ONECUT3: variants seen among roughly 807,000 people sequenced by gnomAD.
ONECUT3 encodes one cut homeobox 3, also known as one cut domain family member 3.
A neutral mutation model predicts 16.8 loss-of-function variants in ONECUT3; 11 were observed. The ratio of observed to expected loss-of-function variants is 0.66; its 90% CI spans 0.41 to 1.09. The LOEUF is 1.09. Among genes scored for constraint, ONECUT3 ranks in the 50% least tolerant of loss-of-function variants. The pLI is 0.00. For missense variants in ONECUT3, 637 were observed against 629.9 expected, an observed-to-expected ratio of 1.01 and a Z score of -0.12; for synonymous variants, 344 against 310.7, an observed-to-expected ratio of 1.11 and a Z score of -1.13.
intron 1 of ONECUT3, among the ~76,000 whole-genome samples, chr19:1,772,813 C>T (rs1490454420): frequency 2.7e-5 from 4 of 150,116 alleles, no homozygotes; most frequent in African/African-American, 9.8e-5. Flanking sequence ...CCTGCCTCAG[C>T]CTCCCGAGTA....
Position 1,762,661 on chromosome 19 carries a change from G to A in ONECUT3, c.1192+7807G>A, listed in dbSNP as rs1010818219. Among the ~76,000 whole-genome samples the A allele has an allele frequency of 1.2e-4, 18 of 152,362 alleles. No individual in the cohort carries two copies. The highest frequency in any genetic ancestry group is 3.4e-3 in the Middle Eastern group (1 of 294). On this transcript the variant is annotated intron_variant, in intron 1 of 1. Coordinates refer to ENST00000382349, the MANE Select transcript of ONECUT3 (RefSeq NM_001080488.2). The surrounding 1 kb of genome is among the most constrained non-coding windows in gnomAD (Gnocchi z 4.4). ...GGAGACCCGGGACCCGGGACCACGCGCCCGCGGCCTTGGAGCCTCAGGGTC... is the reference window on the plus strand; with the variant it reads ...GGAGACCCGGGACCCGGGACCACGCACCCGCGGCCTTGGAGCCTCAGGGTC...
intron 1 of ONECUT3, among the ~76,000 whole-genome samples, chr19:1,765,286 C>A (rs369907663): frequency 6.6e-6 from 1 of 152,170 alleles, no homozygotes; most frequent in African/African-American, 2.4e-5. Flanking sequence ...GCCGTGCCGC[C>A]CCCAGCACTG....
In ONECUT3 at chr19:1,766,290, G is replaced by T. The variant is rs1020806149; in HGVS notation, c.1193-8863G>T. 1.3e-5 allele frequency among the ~76,000 whole-genome samples: 2 copies of T among 152,170 alleles called. No individual in the cohort carries two copies. The highest frequency in any genetic ancestry group is 4.8e-5 in the African/African-American group (2 of 41,454). ...GCACACCCGATGGTGGACGGAGGCT[G>T]GCACCCTCAGCCCGCACGCGGCCAA... is the stretch of plus-strand genomic sequence containing the variant. On this transcript the variant is annotated intron_variant, in intron 1 of 1. Transcript: ENST00000382349. The surrounding 1 kb of genome is among the most constrained non-coding windows in gnomAD (Gnocchi z 4.0).
chr19:1,780,922 G>A lies in ONECUT3; in HGVS notation c.*5477G>A, dbSNP rs1422021609. ...CAAAGTCCCCTCCCCTCCAGGGACA[G>A]GGGAGAGAAGCCCTTTTCCACCTTC... On this transcript the variant is annotated 3_prime_UTR_variant, in exon 2 of 2. Coordinates refer to ENST00000382349, the MANE Select transcript of ONECUT3 (RefSeq NM_001080488.2). The A allele has an allele frequency of 2.7e-5, 4 of 149,366 alleles. No individual in the cohort carries two copies. The highest frequency in any genetic ancestry group is 5.9e-5 in the Non-Finnish European group (4 of 67,808). 9.3% of individuals were successfully genotyped at this position (149,366 alleles called of 1,614,324 possible). A position where few individuals can be genotyped will look rare whatever the true frequency, so the allele number is the denominator to read the frequency against.
chr19:1,754,923 C>CTA lies in ONECUT3; in HGVS notation c.1192+69_1192+70insTA, dbSNP rs2067908606. ...CTGGACTCCCGAGCACCTAGCGGGG[C>CTA]GGCGGCCGATGCCCGGGGCCAGCGC... On this transcript the variant is annotated intron_variant, in intron 1 of 1. Coordinates refer to ENST00000382349, the MANE Select transcript of ONECUT3 (RefSeq NM_001080488.2). This position sits in a 1 kb window ranked among gnomAD's most constrained non-coding sequence, Gnocchi z 7.4. The CTA allele has an allele frequency of 7.8e-7, 1 of 1,283,910 alleles. No homozygotes were observed. Among genetic ancestry groups the CTA allele is most frequent in the South Asian group, 2.3e-5 (1 of 43,694 alleles). The allele number at this position is 1,283,910 out of a possible 1,614,324, so 79.5% of individuals were successfully genotyped here. A position where few individuals can be genotyped will look rare whatever the true frequency, so the allele number is the denominator to read the frequency against.
In ONECUT3 at chr19:1,777,855, C is replaced by G. The variant is rs1326136103; in HGVS notation, c.*2410C>G. ...TAAAAATACAAAAAAATTAGCTGGG[C>G]GAGGTGGCAGGCACCTGTAATCCCA... On this transcript the variant is annotated 3_prime_UTR_variant, in exon 2 of 2. Transcript: ENST00000382349. The G allele has an allele frequency of 6.6e-6, 1 of 151,768 alleles. No individual in the cohort carries two copies. Among genetic ancestry groups the G allele is most frequent in the East Asian group, 1.9e-4 (1 of 5,154 alleles). The allele number at this position is 151,768 out of a possible 1,614,324, so 9.4% of individuals were successfully genotyped here.
At position 1,780,909 on chromosome 19, in the gene ONECUT3, C is replaced by T. The variant is rs1171811227; in HGVS notation, c.*5464C>T. On this transcript the variant is annotated 3_prime_UTR_variant, in exon 2 of 2. Coordinates refer to ENST00000382349, the MANE Select transcript of ONECUT3 (RefSeq NM_001080488.2). ...CACTTGGACCCTCCAAAGTCCCCTCCCCTCCAGGGACAGGGGAGAGAAGCC... is the reference window on the plus strand; with the variant it reads ...CACTTGGACCCTCCAAAGTCCCCTCTCCTCCAGGGACAGGGGAGAGAAGCC... The T allele has an allele frequency of 6.7e-6, 1 of 150,364 alleles. No individual in the cohort carries two copies. The highest frequency in any genetic ancestry group is 1.5e-5 in the Non-Finnish European group (1 of 67,906). The allele number at this position is 150,364 out of a possible 1,614,324, so 9.3% of individuals were successfully genotyped here.
chr19:1,763,732 G>GTTTTT (rs35077722), intron 1 of ONECUT3, among the ~76,000 whole-genome samples: 1 of 134,538 alleles, frequency 7.4e-6, no homozygotes. Flanking sequence ...TCCCTTTTTT[G>GTTTTT]TTTTTTTTTT....
rs1256173992 is a variant in ONECUT3 at position 1,762,542 on chromosome 19, T to C, written c.1192+7688T>C. On this transcript the variant is annotated intron_variant, in intron 1 of 1. Coordinates refer to ENST00000382349, the MANE Select transcript of ONECUT3 (RefSeq NM_001080488.2). This position sits in a 1 kb window ranked among gnomAD's most constrained non-coding sequence, Gnocchi z 4.4. ...GCGGAGTCGGGCTGGGGCCGCCGCGTTGCGCACATCGGTCCTTGGCGGGTG... is the reference window on the plus strand; with the variant it reads ...GCGGAGTCGGGCTGGGGCCGCCGCGCTGCGCACATCGGTCCTTGGCGGGTG... Among the ~76,000 whole-genome samples the C allele has an allele frequency of 6.6e-6, 1 of 152,226 alleles. No individual in the cohort carries two copies. The highest frequency in any genetic ancestry group is 1.9e-4 in the East Asian group (1 of 5,192).
rs2068121126 is a variant in ONECUT3 at position 1,777,475 on chromosome 19, C to G, written c.*2030C>G. On this transcript the variant is annotated 3_prime_UTR_variant, in exon 2 of 2. Coordinates refer to ENST00000382349, the MANE Select transcript of ONECUT3 (RefSeq NM_001080488.2). ...AGAGACACACATGCAGATACACATG[C>G]ACACACACATACACACACTGGCCCC... 6.7e-6 allele frequency: 1 copy of G among 148,436 alleles called. No individual in the cohort carries two copies. The highest frequency in any genetic ancestry group is 2.1e-4 in the South Asian group (1 of 4,656). 9.2% of individuals were successfully genotyped at this position (148,436 alleles called of 1,614,324 possible).
In ONECUT3 at chr19:1,754,192, C is replaced by G. The variant is rs1050302987; in HGVS notation, c.530C>G (p.Ala177Gly). The change falls in exon 1 of 2, where the codon GCG (alanine) becomes GGG (glycine). Residue 177 changes from alanine to glycine, a missense_variant. Physicochemically the swap from Ala to Gly is moderately conservative, Grantham distance 60. This residue lies in a region of ONECUT3 where 419 missense variants were observed against 377.9 expected (regional missense o/e 1.11). Transcript: ENST00000382349. The surrounding 1 kb of genome is among the most constrained non-coding windows in gnomAD (Gnocchi z 7.4). ...SFTLMRDERA[A>G]LASVGHLYGP... Reference sequence around the variant, plus strand: ...ACCCTCATGCGCGACGAGCGGGCGGCGCTCGCCTCCGTGGGCCACCTCTAC... The same window carrying G: ...ACCCTCATGCGCGACGAGCGGGCGGGGCTCGCCTCCGTGGGCCACCTCTAC... The G allele has an allele frequency of 5.2e-6, 6 of 1,144,616 alleles. No individual in the cohort carries two copies. The African/African-American group carries it at 8.4e-5, about 16-fold the overall frequency. 70.9% of individuals were successfully genotyped at this position (1,144,616 alleles called of 1,614,324 possible).
intron 1 of ONECUT3, among the ~76,000 whole-genome samples, chr19:1,773,415 C>T (rs1429300916): frequency 2.6e-5 from 4 of 152,198 alleles, no homozygotes; most frequent in East Asian, 1.9e-4. Context: ...GTGAAGTGTG[C>T]GTCAGCTCAC....
chr19:1,753,909 G>A lies in ONECUT3; in HGVS notation c.247G>A (p.Glu83Lys), dbSNP rs1568590992. 19 of 983,292 alleles carry A rather than the reference G, an allele frequency of 1.9e-5. No homozygotes were observed. The highest frequency in any genetic ancestry group is 2.2e-5 in the Non-Finnish European group (18 of 830,034). The allele number at this position is 983,292 out of a possible 1,614,324, so 60.9% of individuals were successfully genotyped here. Residue 83 changes from glutamate to lysine, a missense_variant, in exon 1 of 2, where the codon GAA (glutamate) becomes AAA (lysine). Physicochemically the swap from Glu to Lys is moderately conservative, Grantham distance 56 (BLOSUM62 1). Around this residue, in one of 3 missense-constraint regions of ONECUT3, gnomAD observed 419 missense variants for 377.9 expected, o/e 1.11. Transcript: ENST00000382349. ...GGGCGGCGGCGCGGACTTCCGCGGGGAACTGGCGGGCCCGCTGCACCCGGC... is the reference window on the plus strand; with the variant it reads ...GGGCGGCGGCGCGGACTTCCGCGGGAAACTGGCGGGCCCGCTGCACCCGGC... ...SAGGGADFRG[E>K]LAGPLHPAMG...
In ONECUT3 at chr19:1,754,185, C is replaced by T; in HGVS notation, c.523C>T (p.Arg175Trp). Residue 175 changes from arginine (R) to tryptophan (W), a missense_variant, in exon 1 of 2, where the codon CGG becomes TGG. By Grantham distance (101) the Arg-to-Trp change is moderately radical. This residue lies in a region of ONECUT3 where 419 missense variants were observed against 377.9 expected (regional missense o/e 1.11). Coordinates refer to ENST00000382349, the MANE Select transcript of ONECUT3 (RefSeq NM_001080488.2). The surrounding 1 kb of genome is among the most constrained non-coding windows in gnomAD (Gnocchi z 7.4). The stretch of plus-strand genomic sequence containing the variant: ...CAGCTTCACCCTCATGCGCGACGAG[C>T]GGGCGGCGCTCGCCTCCGTGGGCCA... ...SGSFTLMRDE[R>W]AALASVGHLY... 2 of 1,153,834 alleles carry T rather than the reference C, an allele frequency of 1.7e-6. No homozygotes were observed. The highest frequency in any genetic ancestry group is 2.2e-6 in the Non-Finnish European group (2 of 928,164). 71.5% of individuals were successfully genotyped at this position (1,153,834 alleles called of 1,614,324 possible).
intron 1 of ONECUT3, among the ~76,000 whole-genome samples, chr19:1,765,243 C>T (rs999827155): frequency 6.6e-6 from 1 of 152,202 alleles, no homozygotes; most frequent in Non-Finnish European, 1.5e-5. Flanking sequence ...ACATCCCTCC[C>T]GTCCTGGTGC....
rs1366481924 is a variant in ONECUT3 at position 1,775,765 on chromosome 19, AC to A, written c.*322del. On this transcript the variant is annotated 3_prime_UTR_variant, in exon 2 of 2. Transcript: ENST00000382349. The stretch of plus-strand genomic sequence containing the variant: ...GGACGCCCAGAGGGCCTCGAGAAAA[AC>A]CAGGGCTCACTGTGTTGTCCCCTAA... 2.0e-5 allele frequency: 5 copies of A among 246,552 alleles called. No homozygotes were observed. The highest frequency in any genetic ancestry group is 3.8e-5 in the Non-Finnish European group (5 of 130,552). The allele number at this position is 246,552 out of a possible 1,614,324, so 15.3% of individuals were successfully genotyped here.
At chr19:1,771,610 T>C (rs1276777961) in intron 1 of ONECUT3, among the ~76,000 whole-genome samples, 1 of 152,204 alleles carries the variant, frequency 6.6e-6, no homozygotes, top group Non-Finnish European at 1.5e-5. Context: ...TCTTTATTCT[T>C]GGTGCTCTGA....
rs1461597492 is a variant in ONECUT3, at chr19:1,759,771, GA to G, written c.1192+4918del. The stretch of plus-strand genomic sequence containing the variant: ...GGGCAGAATGAAATGACGCCTAGGA[GA>G]GGGGGTATGAGGGGCTGGAGGGGCT... On this transcript the variant is annotated intron_variant, in intron 1 of 1. Transcript: ENST00000382349. This position sits in a 1 kb window ranked among gnomAD's most constrained non-coding sequence, Gnocchi z 4.1. Among the ~76,000 whole-genome samples the G allele has an allele frequency of 6.6e-6, 1 of 152,138 alleles. No individual in the cohort carries two copies. The highest frequency in any genetic ancestry group is 2.4e-5 in the African/African-American group (1 of 41,432).
At position 1,764,444 on chromosome 19, in the gene ONECUT3, G is replaced by A. The variant is rs531497666; in HGVS notation, c.1192+9590G>A. The stretch of plus-strand genomic sequence containing the variant: ...CTGGCGGGGAAAGCTGGAGGGAGAG[G>A]GGTGGGGACAAGAGGGAGGCTGGGC... On this transcript the variant is annotated intron_variant, in intron 1 of 1. Coordinates refer to ENST00000382349, the MANE Select transcript of ONECUT3 (RefSeq NM_001080488.2). The surrounding 1 kb of genome is among the most constrained non-coding windows in gnomAD (Gnocchi z 5.0). Among the ~76,000 whole-genome samples, 1 of 152,232 alleles carries A rather than the reference G, an allele frequency of 6.6e-6. No individual in the cohort carries two copies. Among genetic ancestry groups the A allele is most frequent in the Admixed American group, 6.5e-5 (1 of 15,280 alleles).
Sources: gnomAD v4.1 joint callset for allele counts (sites outside exome capture counted in the v4.1 genomes callset) on GRCh38, gnomAD v4.1.1 for gene constraint, gnomAD v4.1.1 regional missense constraint, Gnocchi (gnomAD v3.1) non-coding constraint, MANE v1.5 for transcripts, NCBI Gene and HGNC (gene_info 2026-07-23, HGNC 2026-07-21) for gene names.